Variants in CASK observed in about 807,000 individuals in gnomAD.
CASK encodes the protein calcium/calmodulin dependent serine protein kinase, also known as peripheral plasma membrane protein CASK.
CASK carries 4 observed loss-of-function variants against 82.9 expected under a neutral mutation model. The ratio of observed to expected loss-of-function variants is 0.05; its 90% confidence interval spans 0.02 to 0.11. The LOEUF (loss-of-function observed/expected upper bound fraction) is 0.11. Ranked by LOEUF, CASK falls within the 10% of genes least tolerant of loss-of-function variation. CASK has a pLI of 1.00. For missense variants in CASK, 358 were observed against 720.9 expected (o/e 0.50, Z 5.76); for synonymous variants, 259 against 253.5 (o/e 1.02, Z -0.20).
intron 1 of CASK, among the ~76,000 whole-genome samples, chrX:41,867,087 T>G (rs1477716678): frequency 8.9e-6 from 1 of 112,141 alleles, no homozygotes; most frequent in African/African-American, 3.2e-5. Context: ...TAATAACAAT[T>G]TCATCACTTG....
At chrX:41,817,422 T>G (rs888058646) in intron 2 of CASK, among the ~76,000 whole-genome samples, 5 of 111,769 alleles carry the variant, frequency 4.5e-5, no homozygotes, top group African/African-American at 1.6e-4. Context: ...GAAAGGAAGA[T>G]GTAATTAATG....
At chrX:41,695,855 C>T (rs1040839614) in intron 5 of CASK, 9 of 1,202,829 alleles carry the variant, frequency 7.5e-6, no homozygotes, top group Admixed American at 4.4e-5. Context: ...GGAACATAAT[C>T]GCCCTCTATG....
intron 5 of CASK, among the ~76,000 whole-genome samples, chrX:41,711,125 G>A (rs76877028): frequency 9.0e-6 from 1 of 111,346 alleles, no homozygotes; most frequent in African/African-American, 3.3e-5. Context: ...AGGTGACACA[G>A]CCTGGGGCTA....
In CASK at chrX:41,769,397, A is replaced by ATT. The variant is rs200796938; in HGVS notation, c.278+17779_278+17780dup. ...TTTTTTAGAGATGAGGTCTCACTAT[A>ATT]TTTCCCAGGCTGGTCTCTAATTCCT... On this transcript the variant is annotated intron_variant, in intron 3 of 26. Coordinates refer to ENST00000378163, the MANE Select transcript of CASK (RefSeq NM_001367721.1). Among the ~76,000 whole-genome samples the ATT allele has an allele frequency of 9.6e-3, 1,049 of 109,139 alleles. 8 individuals carry two copies. The highest frequency in any genetic ancestry group is 0.033 in the African/African-American group (997 of 29,950). The allele number at this position is 109,139 out of a possible 115,157, so 94.8% of individuals were successfully genotyped here.
chrX:41,849,736 A>T (rs1222797906), intron 2 of CASK, among the ~76,000 whole-genome samples: 1 of 112,437 alleles, frequency 8.9e-6, no homozygotes, highest in East Asian at 2.8e-4. Flanking sequence ...AAAAGTAGAG[A>T]ACAGATATTC....
At chrX:41,726,929 C>T in intron 5 of CASK, 2 of 417,142 alleles carry the variant, frequency 4.8e-6, no homozygotes, top group Non-Finnish European at 7.8e-6. Flanking sequence ...TTTTTAAAAA[C>T]TATTCAGCTT....
At chrX:41,561,429 G>C (rs2065226877) in intron 17 of CASK, 130 bp downstream of exon 17, 1 of 515,089 alleles carries the variant, frequency 1.9e-6, no homozygotes. Flanking sequence ...TGTTATATAA[G>C]TTCAAGTCCA....
At chrX:41,830,825 A>AC (rs2070791239) in intron 2 of CASK, among the ~76,000 whole-genome samples, 1 of 109,221 alleles carries the variant, frequency 9.2e-6, no homozygotes, top group South Asian at 4.0e-4. Context: ...GCCAAAAAAA[A>AC]AAAAAAAAAA....
intron 5 of CASK, among the ~76,000 whole-genome samples, chrX:41,703,274 T>A (rs1471383623): frequency 8.9e-6 from 1 of 111,774 alleles, no homozygotes; most frequent in Non-Finnish European, 1.9e-5. Context: ...TACTTAAAAG[T>A]TTTTTCATAC....
intron 12 of CASK, among the ~76,000 whole-genome samples, chrX:41,598,134 G>GACACACACAC (rs757204318): frequency 4.0e-5 from 4 of 99,923 alleles, no homozygotes; most frequent in African/African-American, 1.5e-4. Context: ...CTGAGGCCCT[G>GACACACACAC]ACACACACAC....
At chrX:41,589,361 T>C (rs1382588528) in intron 13 of CASK, among the ~76,000 whole-genome samples, 154 bp downstream of exon 13, 1 of 112,452 alleles carries the variant, frequency 8.9e-6, no homozygotes, top group Non-Finnish European at 1.9e-5. Flanking sequence ...TTCTTTTCTG[T>C]ATGTTCAGTA....
chrX:41,871,858 T>C (rs5918265), intron 1 of CASK, among the ~76,000 whole-genome samples: 7,749 of 112,302 alleles, frequency 0.069, 256 homozygotes, highest in Non-Finnish European at 0.11. Flanking sequence ...GTAAACCATG[T>C]ACTTCTGTCC....
intron 12 of CASK, among the ~76,000 whole-genome samples, chrX:41,599,466 A>T (rs866512843): frequency 1.8e-5 from 2 of 112,062 alleles, no homozygotes; most frequent in Middle Eastern, 4.7e-3. Context: ...AAAGCTGCAA[A>T]AATCCTTTGG....
chrX:41,576,037 C>T (rs772037150), intron 15 of CASK, among the ~76,000 whole-genome samples: 46 of 108,603 alleles, frequency 4.2e-4, no homozygotes, highest in African/African-American at 1.3e-3. Context: ...TGCAGTGGCG[C>T]GATCTCGGCT....
chrX:41,549,677 C>T (rs904141996), intron 21 of CASK, among the ~76,000 whole-genome samples: 3 of 105,610 alleles, frequency 2.8e-5, no homozygotes, highest in South Asian at 4.2e-4. Context: ...TCATCTCTAT[C>T]GAAAATTTAA....
chrX:41,733,715 C>T (rs1047501867), intron 5 of CASK, among the ~76,000 whole-genome samples: 1 of 109,943 alleles, frequency 9.1e-6, no homozygotes, highest in Non-Finnish European at 1.9e-5. Context: ...CGCCACTGCA[C>T]TCCAGCCTGG....
At chrX:41,612,556 G>T (rs1475817630) in intron 11 of CASK, among the ~76,000 whole-genome samples, 89 of 101,543 alleles carry the variant, frequency 8.8e-4, no homozygotes, top group African/African-American at 3.1e-3. Context: ...CCGGCCAGCC[G>T]CCCCGTCCGG....
At chrX:41,645,856 A>G (rs1204103666) in intron 8 of CASK, among the ~76,000 whole-genome samples, 1 of 110,839 alleles carries the variant, frequency 9.0e-6, no homozygotes, top group Non-Finnish European at 1.9e-5. Context: ...CCTGCTACAC[A>G]TAATTATTCT....
intron 2 of CASK, among the ~76,000 whole-genome samples, chrX:41,827,799 G>A (rs918174033): frequency 1.8e-5 from 2 of 111,990 alleles, no homozygotes; most frequent in Admixed American, 1.9e-4. Flanking sequence ...ACTATTAAAA[G>A]AAGAAAAATG....
Sources: gnomAD v4.1 joint callset for allele counts (sites outside exome capture counted in the v4.1 genomes callset) on GRCh38, gnomAD v4.1.1 for gene constraint, MANE v1.5 for transcripts, NCBI Gene and HGNC (gene_info 2026-07-23, HGNC 2026-07-21) for gene names.